The following MEGF10 variants were observed in gnomAD, a reference collection of about 807,000 sequenced individuals.
The protein encoded by MEGF10 is multiple EGF like domains 10.
MEGF10 carries 86 observed loss-of-function variants against 147.5 expected under a neutral mutation model. The ratio of observed to expected loss-of-function variants is 0.58; its 90% CI spans 0.49 to 0.70. The LOEUF is 0.70. Among genes scored for constraint, MEGF10 ranks in the 30% least tolerant of loss-of-function variants. The pLI, the probability that MEGF10 is intolerant of heterozygous loss-of-function variation, is 0.00. For missense variants in MEGF10, 1,329 were observed against 1,487.3 expected (o/e 0.89, Z 1.75); for synonymous variants, 478 against 525.5 (o/e 0.91, Z 1.24).
rs11273003 is a variant in MEGF10 at position 127,434,912 on chromosome 5, CATGTTTTCAGCTGTCTGCTGGGA to C, written c.1975+96_1975+118del. ...GCCTCCCCTTGGCCTTCCTGAAGGC[CATGTTTTCAGCTGTCTGCTGGGA>C]ATGTCTTCTGCTGTGCTGTGTCTGC... is the stretch of plus-strand genomic sequence containing the variant. On this transcript the variant is annotated intron_variant, in intron 15 of 24. Coordinates refer to ENST00000503335, the MANE Select transcript of MEGF10 (RefSeq NM_001256545.2). 0.14 allele frequency: 208,175 copies of C among 1,472,774 alleles called. 15,471 individuals are homozygous for C. The highest frequency in any genetic ancestry group is 0.17 in the South Asian group (12,739 of 73,314). 91.2% of individuals were successfully genotyped at this position (1,472,774 alleles called of 1,614,324 possible). A position where few individuals can be genotyped will look rare whatever the true frequency, so the allele number is the denominator to read the frequency against.
rs374268662 is a variant in MEGF10 at position 127,434,520 on chromosome 5, T to G, written c.1841-167T>G. Among the ~76,000 whole-genome samples, 747 of 152,336 alleles carry G rather than the reference T, an allele frequency of 4.9e-3. 9 individuals are homozygous for G. In the Middle Eastern group the frequency reaches 0.058, roughly 12 times the overall value. ...TTCTTTTCCTCATTAAAGGGTTCCT[T>G]TGTTCCTTTGTTGTTCTTGTTTTCT... On this transcript the variant is annotated intron_variant, in intron 14 of 24. Transcript: ENST00000503335.
intron 5 of MEGF10, among the ~76,000 whole-genome samples, chr5:127,373,584 C>A (rs188227208): frequency 1.3e-5 from 2 of 152,224 alleles, no homozygotes; most frequent in African/African-American, 4.8e-5. Flanking sequence ...TTCAAAGAAG[C>A]CTTGGTACCT....
At chr5:127,441,985 T>C (rs1181853883) in intron 18 of MEGF10, among the ~76,000 whole-genome samples, 1 of 152,220 alleles carries the variant, frequency 6.6e-6, no homozygotes, top group African/African-American at 2.4e-5. Flanking sequence ...ACTGTTTCAT[T>C]GAGTCATGAA....
chr5:127,274,732 T>C, the MEGF10 span, among the ~76,000 whole-genome samples: 2 of 152,192 alleles, frequency 1.3e-5, no homozygotes, highest in Admixed American at 1.3e-4. Flanking sequence ...TTATGGGTCA[T>C]TTACTTTAAT....
intron 1 of MEGF10, among the ~76,000 whole-genome samples, chr5:127,325,941 G>C: frequency 7.3e-6 from 1 of 136,318 alleles, no homozygotes; most frequent in Admixed American, 8.0e-5. Flanking sequence ...GACTTGCTCT[G>C]CCACCCAGCT....
At chr5:127,417,834 G>A in intron 10 of MEGF10, 22 bp downstream of exon 10, 1 of 1,610,596 alleles carries the variant, frequency 6.2e-7, no homozygotes, top group Non-Finnish European at 8.5e-7. Context: ...GGGCTCTGGA[G>A]GAAGGAGAAG....
chr5:127,394,009 A>ATG (rs1460115777), intron 5 of MEGF10, among the ~76,000 whole-genome samples: 1 of 152,128 alleles, frequency 6.6e-6, no homozygotes, highest in Non-Finnish European at 1.5e-5. Flanking sequence ...TGTAAAGTGT[A>ATG]TGTGCTTGGG....
At position 127,365,264 on chromosome 5, in the gene MEGF10, T is replaced by A. The variant is rs965643171; in HGVS notation, c.320-4646T>A. 3.9e-5 allele frequency among the ~76,000 whole-genome samples: 6 copies of A among 152,226 alleles called. 1 individual carries two copies. Among genetic ancestry groups the A allele is most frequent in the African/African-American group, 1.4e-4 (6 of 41,466 alleles). On this transcript the variant is annotated intron_variant, in intron 4 of 24. Transcript: ENST00000503335. ...TATTCTTTAAGACAATGGTATATAC[T>A]CTCTTTAGAGATATAATTGATTTAT...
At chr5:127,242,660 TA>T in the MEGF10 span, among the ~76,000 whole-genome samples, 45 of 152,344 alleles carry the variant, frequency 3.0e-4, no homozygotes, top group Non-Finnish European at 5.1e-4. Context: ...TACTGTTTTT[TA>T]TTTTTTTTTA....
chr5:127,433,185 G>T (rs1223792173), intron 13 of MEGF10, among the ~76,000 whole-genome samples, 178 bp from the exon 14 acceptor site: 2 of 152,178 alleles, frequency 1.3e-5, no homozygotes, highest in Non-Finnish European at 2.9e-5. Flanking sequence ...ATCGGTCTGG[G>T]TATTATTTTA....
At chr5:127,402,130 C>A (rs559270424) in intron 7 of MEGF10, among the ~76,000 whole-genome samples, 1 of 152,130 alleles carries the variant, frequency 6.6e-6, no homozygotes, top group African/African-American at 2.4e-5. Flanking sequence ...ATTCCATGTG[C>A]GGCAGATGTT....
intron 1 of MEGF10, among the ~76,000 whole-genome samples, chr5:127,310,344 T>C (rs1210283668): frequency 1.3e-5 from 2 of 152,112 alleles, no homozygotes; most frequent in Non-Finnish European, 2.9e-5. Flanking sequence ...ACAAATATTT[T>C]CTCTCATTCT....
At chr5:127,319,363 A>G (rs1390836564) in intron 1 of MEGF10, among the ~76,000 whole-genome samples, 2 of 152,160 alleles carry the variant, frequency 1.3e-5, no homozygotes, top group African/African-American at 4.8e-5. Context: ...GGCATGAGCC[A>G]CTGTGCCTGG....
chr5:127,318,967 A>G (rs1054640424), intron 1 of MEGF10, among the ~76,000 whole-genome samples: 1 of 152,154 alleles, frequency 6.6e-6, no homozygotes, highest in African/African-American at 2.4e-5. Flanking sequence ...TTATTTGTCA[A>G]ACTCACCAAT....
intron 7 of MEGF10, among the ~76,000 whole-genome samples, chr5:127,399,308 G>C (rs930589296): frequency 3.3e-5 from 5 of 152,192 alleles, no homozygotes; most frequent in Admixed American, 3.3e-4. Flanking sequence ...AATCCAAGAG[G>C]AAGCTATTCA....
intron 19 of MEGF10, chr5:127,444,493 A>G (rs527755088): frequency 1.7e-4 from 26 of 152,348 alleles, no homozygotes; most frequent in Admixed American, 8.5e-4. Flanking sequence ...AGGAACATTT[A>G]CTTGAGCTGG....
intron 5 of MEGF10, among the ~76,000 whole-genome samples, chr5:127,375,814 C>T (rs544865895): frequency 6.6e-6 from 1 of 152,314 alleles, no homozygotes; most frequent in South Asian, 2.1e-4. Context: ...GTAAAACTTC[C>T]ATTTAATTAG....
At chr5:127,436,057 A>G (rs1195186367) in intron 16 of MEGF10, among the ~76,000 whole-genome samples, 1 of 152,238 alleles carries the variant, frequency 6.6e-6, no homozygotes, top group Admixed American at 6.5e-5. Context: ...TAAGTCATTC[A>G]TGAATGTTTT....
chr5:127,412,324 C>G (rs1478021658), intron 9 of MEGF10, among the ~76,000 whole-genome samples: 3 of 152,076 alleles, frequency 2.0e-5, no homozygotes, highest in Non-Finnish European at 4.4e-5. Flanking sequence ...TTATATGACT[C>G]TATCTTGTTG....
Sources: gnomAD v4.1 joint callset for allele counts (sites outside exome capture counted in the v4.1 genomes callset) on GRCh38, gnomAD v4.1.1 for gene constraint, MANE v1.5 for transcripts, NCBI Gene and HGNC (gene_info 2026-07-23, HGNC 2026-07-21) for gene names.